The following STRBP variants were observed in gnomAD, a reference collection of about 807,000 sequenced individuals.
STRBP encodes spermatid perinuclear RNA binding protein.
Under a neutral mutation model 80.1 loss-of-function variants are expected in STRBP, and 13 were observed. The observed-to-expected ratio is 0.16, with a 90% CI of 0.11 to 0.26. STRBP has a LOEUF of 0.26. STRBP is among the 10% of genes least tolerant of loss of function. The pLI, the probability that STRBP is intolerant of heterozygous loss-of-function variation, is 1.00. For synonymous variants in STRBP, 284 were observed against 291.2 expected, an observed-to-expected ratio of 0.98 and a Z score of 0.25; for missense variants, 485 against 815.2, an observed-to-expected ratio of 0.59 and a Z score of 4.93.
chr9:123,158,135 A>C lies in STRBP; in HGVS notation c.934-12T>G. The C allele has an allele frequency of 6.3e-7, 1 of 1,598,142 alleles. No individual in the cohort carries two copies. The highest frequency in any genetic ancestry group is 8.6e-7 in the Non-Finnish European group (1 of 1,166,644). On this transcript the variant is annotated splice_polypyrimidine_tract_variant and intron_variant, in intron 10 of 18. Transcript: ENST00000348403. Reference sequence around the variant, plus strand: ...AGTCTGAGTGCATGCTAAAGAACAAAGTATTATATTTAATCACATTTCAAT... The same window carrying C: ...AGTCTGAGTGCATGCTAAAGAACAACGTATTATATTTAATCACATTTCAAT...
chr9:123,125,314 T>TA lies in STRBP; in HGVS notation c.*282dup. 9.1e-7 allele frequency: 1 copy of TA among 1,100,490 alleles called. No individual in the cohort carries two copies. Among genetic ancestry groups the TA allele is most frequent in the South Asian group, 4.0e-5 (1 of 25,216 alleles). 68.2% of individuals were successfully genotyped at this position (1,100,490 alleles called of 1,614,324 possible). Reference sequence around the variant, plus strand: ...ATAATCTGATACGTCTCTTAAAACTTAAACTTTGAACTGCTAGACTTTTAT... The same window carrying TA: ...ATAATCTGATACGTCTCTTAAAACTTAAAACTTTGAACTGCTAGACTTTTAT... On this transcript the variant is annotated 3_prime_UTR_variant, in exon 19 of 19. Coordinates refer to ENST00000348403, the MANE Select transcript of STRBP (RefSeq NM_018387.5).
intron 2 of STRBP, among the ~76,000 whole-genome samples, chr9:123,233,093 G>A (rs1188052935): frequency 6.6e-6 from 1 of 152,138 alleles, no homozygotes; most frequent in Non-Finnish European, 1.5e-5. Flanking sequence ...CCTTTTTAAA[G>A]ACAGGGTCTT....
chr9:123,164,935 G>A (rs895809350), intron 6 of STRBP, among the ~76,000 whole-genome samples: 10 of 152,118 alleles, frequency 6.6e-5, no homozygotes, highest in African/African-American at 2.2e-4. Context: ...AATGTCACTC[G>A]GTATGACTTT....
chr9:123,264,091 A>C (rs967405510), intron 1 of STRBP, among the ~76,000 whole-genome samples: 6 of 152,192 alleles, frequency 3.9e-5, no homozygotes, highest in African/African-American at 1.4e-4. Flanking sequence ...GGGCAGGAGA[A>C]TCACTTGAAC....
At chr9:123,132,994 C>A (rs761694416) in intron 16 of STRBP, 26 bp from the exon 17 acceptor site, 1 of 1,606,546 alleles carries the variant, frequency 6.2e-7, no homozygotes, top group South Asian at 1.1e-5. Flanking sequence ...ATTTTCATTA[C>A]TGAAAGAAAT....
At chr9:123,261,966 A>T (rs900017738) in intron 1 of STRBP, among the ~76,000 whole-genome samples, 3 of 152,238 alleles carry the variant, frequency 2.0e-5, no homozygotes, top group Non-Finnish European at 4.4e-5. Flanking sequence ...AACTATAAAC[A>T]TCTTAAAAAT....
chr9:123,189,762 G>T (rs1200774500), intron 2 of STRBP, among the ~76,000 whole-genome samples: 1 of 151,510 alleles, frequency 6.6e-6, no homozygotes, highest in Non-Finnish European at 1.5e-5. Flanking sequence ...ATGAGTTGAT[G>T]GGTGCAGCAA....
At chr9:123,138,096 CTCCT>C (rs1426047069) in intron 14 of STRBP, among the ~76,000 whole-genome samples, 1 of 152,106 alleles carries the variant, frequency 6.6e-6, no homozygotes. Context: ...GCTTTGTTTT[CTCCT>C]TCCTTCCCAC....
At chr9:123,246,776 A>G (rs1436904104) in intron 1 of STRBP, among the ~76,000 whole-genome samples, 5 of 152,222 alleles carry the variant, frequency 3.3e-5, no homozygotes, top group Admixed American at 6.5e-5. Flanking sequence ...CTGACTGCCA[A>G]TACAAACAAA....
chr9:123,125,325 C>T lies in STRBP; in HGVS notation c.*272G>A. 1 of 1,122,422 alleles carries T rather than the reference C, an allele frequency of 8.9e-7. No homozygotes were observed. The highest frequency in any genetic ancestry group is 4.5e-5 in the Admixed American group (1 of 22,270). 69.5% of individuals were successfully genotyped at this position (1,122,422 alleles called of 1,614,324 possible). ...CGTCTCTTAAAACTTAAACTTTGAA[C>T]TGCTAGACTTTTATTTCCCTAGAAC... is the stretch of plus-strand genomic sequence containing the variant. On this transcript the variant is annotated 3_prime_UTR_variant, in exon 19 of 19. Coordinates refer to ENST00000348403, the MANE Select transcript of STRBP (RefSeq NM_018387.5).
intron 2 of STRBP, among the ~76,000 whole-genome samples, chr9:123,204,923 C>CAAAAAAAAAAAAA (rs34576355): frequency 1.8e-5 from 1 of 54,550 alleles, no homozygotes; most frequent in Admixed American, 1.9e-4. Flanking sequence ...GACTCCATCT[C>CAAAAAAAAAAAAA]AAAAAAAAAA....
At chr9:123,256,312 T>C (rs1196865172) in intron 1 of STRBP, among the ~76,000 whole-genome samples, 2 of 152,126 alleles carry the variant, frequency 1.3e-5, no homozygotes, top group African/African-American at 4.8e-5. Context: ...CTACTTCCAC[T>C]ACCTATACCT....
intron 1 of STRBP, among the ~76,000 whole-genome samples, chr9:123,262,028 C>T (rs989391438): frequency 2.6e-5 from 4 of 152,214 alleles, no homozygotes; most frequent in Non-Finnish European, 4.4e-5. Flanking sequence ...TATTAGATCA[C>T]TACCTAGCTG....
chr9:123,153,592 G>C (rs2037153202), intron 11 of STRBP, among the ~76,000 whole-genome samples: 1 of 152,190 alleles, frequency 6.6e-6, no homozygotes, highest in Non-Finnish European at 1.5e-5. Flanking sequence ...TGAGCAAACG[G>C]AGAGTTTCCA....
intron 5 of STRBP, among the ~76,000 whole-genome samples, chr9:123,173,044 G>A (rs1003272481): frequency 6.6e-6 from 1 of 152,100 alleles, no homozygotes; most frequent in African/African-American, 2.4e-5. Flanking sequence ...GAGTCCTTGG[G>A]GTAGGCTGGC....
At chr9:123,194,889 C>A (rs2039042084) in intron 2 of STRBP, among the ~76,000 whole-genome samples, 1 of 152,130 alleles carries the variant, frequency 6.6e-6, no homozygotes, top group Admixed American at 6.6e-5. Context: ...ATCTCCACAA[C>A]CTCTAAACGC....
Position 123,160,348 on chromosome 9 carries a change from G to A in STRBP, c.723+19C>T, listed in dbSNP as rs2037472021. The A allele has an allele frequency of 6.6e-7, 1 of 1,515,948 alleles. No individual in the cohort carries two copies. The highest frequency in any genetic ancestry group is 2.4e-5 in the East Asian group (1 of 42,366). 93.9% of individuals were successfully genotyped at this position (1,515,948 alleles called of 1,614,324 possible). ...GCTACAGCTTCCAAATTTGCTTTTA[G>A]CCATATTTAAGTACTTACCCATCCT... On this transcript the variant is annotated intron_variant, in intron 8 of 18. Transcript: ENST00000348403.
At chr9:123,168,159 T>C (rs2037849417) in intron 6 of STRBP, 2 of 923,936 alleles carry the variant, frequency 2.2e-6, no homozygotes, top group South Asian at 1.0e-4. Flanking sequence ...GTTGGTTTTA[T>C]ACTAGAGGGT....
chr9:123,152,333 G>C (rs986024458), intron 11 of STRBP, among the ~76,000 whole-genome samples: 1 of 152,040 alleles, frequency 6.6e-6, no homozygotes, highest in Non-Finnish European at 1.5e-5. Flanking sequence ...AGGAGAATTG[G>C]TGACAAATCT....
Sources: allele counts gnomAD v4.1 joint callset (sites outside exome capture counted in the v4.1 genomes callset), GRCh38; gene constraint gnomAD v4.1.1; transcripts MANE v1.5; gene names NCBI Gene and HGNC (gene_info 2026-07-23, HGNC 2026-07-21).